Variants in ANO2 observed in about 807,000 individuals in gnomAD.
The protein encoded by ANO2 is anoctamin 2.
In ANO2, 101 loss-of-function variants were observed where a neutral mutation model predicts 124.2. The observed-to-expected ratio is 0.81, with a 90% CI of 0.69 to 0.96. ANO2 has a LOEUF of 0.96. Among genes scored for constraint, ANO2 ranks in the 40% least tolerant of loss-of-function variants. The pLI is 0.00. For missense variants in ANO2, 1,293 were observed against 1,274.5 expected (o/e 1.01, Z -0.22); for synonymous variants, 486 against 482.5 (o/e 1.01, Z -0.09).
intron 10 of ANO2, among the ~76,000 whole-genome samples, chr12:5,757,221 A>G (rs1951608325): frequency 6.6e-6 from 1 of 152,218 alleles, no homozygotes; most frequent in Admixed American, 6.5e-5. Flanking sequence ...CTATTTTGCC[A>G]TCTTGCTGAT....
chr12:5,775,569 C>A (rs1952212153), intron 10 of ANO2, among the ~76,000 whole-genome samples: 2 of 150,326 alleles, frequency 1.3e-5, no homozygotes, highest in Non-Finnish European at 1.5e-5. Flanking sequence ...TCACGTCATT[C>A]TCCTGCCTCA....
intron 14 of ANO2, among the ~76,000 whole-genome samples, chr12:5,666,843 G>T (rs989938347): frequency 1.5e-5 from 2 of 133,962 alleles, no homozygotes; most frequent in African/African-American, 5.7e-5. Context: ...TGTTTGCCTT[G>T]GGGCTTTGGC....
intron 14 of ANO2, among the ~76,000 whole-genome samples, chr12:5,654,825 C>T (rs1346335818): frequency 6.6e-6 from 1 of 152,198 alleles, no homozygotes; most frequent in African/African-American, 2.4e-5. Flanking sequence ...AAACATCACA[C>T]ACATGCTTCT....
At chr12:5,923,112 ATG>A (rs1311756031) in intron 1 of ANO2, among the ~76,000 whole-genome samples, 746 of 33,716 alleles carry the variant, frequency 0.022, 65 homozygotes, top group East Asian at 0.068. Flanking sequence ...ATACACACAC[ATG>A]CACGCACACA....
At chr12:5,732,710 C>A in intron 13 of ANO2, 80 bp from the exon 14 acceptor site, 2 of 1,527,272 alleles carry the variant, frequency 1.3e-6, no homozygotes, top group Non-Finnish European at 1.8e-6. Flanking sequence ...GACACATGTA[C>A]ATTAACGTCA....
intron 3 of ANO2, among the ~76,000 whole-genome samples, chr12:5,898,003 T>TGGTAC (rs1480631909): frequency 6.6e-6 from 1 of 152,058 alleles, no homozygotes; most frequent in Non-Finnish European, 1.5e-5. Context: ...CAACAAAAGA[T>TGGTAC]GTACCAAGTA....
chr12:5,604,991 C>G (rs1454213547), intron 19 of ANO2, among the ~76,000 whole-genome samples: 1 of 152,042 alleles, frequency 6.6e-6, no homozygotes, highest in African/African-American at 2.4e-5. Flanking sequence ...AGAGCATTCC[C>G]TCTGCCTGTG....
At chr12:5,940,201 A>C (rs1942840694) in intron 1 of ANO2, among the ~76,000 whole-genome samples, 1 of 152,200 alleles carries the variant, frequency 6.6e-6, no homozygotes, top group Non-Finnish European at 1.5e-5. Context: ...TTAGAGAAAG[A>C]TGCTTGCCTT....
chr12:5,734,068 A>T (rs539918133), intron 13 of ANO2, among the ~76,000 whole-genome samples: 1 of 152,182 alleles, frequency 6.6e-6, no homozygotes. Flanking sequence ...CCGTTCTCCA[A>T]CACAGCATTT....
At chr12:5,682,256 A>C (rs1466493630) in intron 14 of ANO2, among the ~76,000 whole-genome samples, 1 of 152,208 alleles carries the variant, frequency 6.6e-6, no homozygotes, top group Non-Finnish European at 1.5e-5. Context: ...GAGATAAATG[A>C]GCATTTCTAC....
chr12:5,770,276 CA>C (rs1481941801), intron 10 of ANO2, among the ~76,000 whole-genome samples: 2 of 152,166 alleles, frequency 1.3e-5, no homozygotes, highest in African/African-American at 4.8e-5. Flanking sequence ...CACAGAAAAG[CA>C]AAGTGAATCA....
intron 9 of ANO2, among the ~76,000 whole-genome samples, chr12:5,804,508 C>T (rs1285493798): frequency 6.6e-6 from 1 of 152,218 alleles, no homozygotes; most frequent in African/African-American, 2.4e-5. Flanking sequence ...CACGAAGCAT[C>T]TTTCTGACAT....
chr12:5,817,289 G>C (rs760815705), intron 7 of ANO2, among the ~76,000 whole-genome samples: 15 of 152,232 alleles, frequency 9.9e-5, no homozygotes, highest in Non-Finnish European at 2.2e-4. Flanking sequence ...GAGATGCAGA[G>C]AGGTTATTTG....
chr12:5,811,678 C>T (rs1301358518), intron 7 of ANO2, among the ~76,000 whole-genome samples: 1 of 152,184 alleles, frequency 6.6e-6, no homozygotes, highest in Non-Finnish European at 1.5e-5. Context: ...CTTTCCATGG[C>T]AAAGTGCACT....
Position 5,769,181 on chromosome 12 carries a change from G to T in ANO2, c.1056-18211C>A, listed in dbSNP as rs1951995388. Among the ~76,000 whole-genome samples, 1 of 152,138 alleles carries T rather than the reference G, an allele frequency of 6.6e-6. No homozygotes were observed. The highest frequency in any genetic ancestry group is 6.5e-5 in the Admixed American group (1 of 15,268). On this transcript the variant is annotated intron_variant, in intron 10 of 24. Transcript: ENST00000682330. This position sits in a 1 kb window ranked among gnomAD's most constrained non-coding sequence, Gnocchi z 4.0. The stretch of plus-strand genomic sequence containing the variant: ...CTGTGCTGTGCCACTTTTAAGAAGA[G>T]GTTCCCTCTCTCCAACCAATCCTCT...
chr12:5,872,439 C>T (rs1305910089), intron 3 of ANO2, among the ~76,000 whole-genome samples: 1 of 152,114 alleles, frequency 6.6e-6, no homozygotes, highest in Non-Finnish European at 1.5e-5. Flanking sequence ...GAATATCTGA[C>T]CCCACCCAGC....
At chr12:5,833,026 G>A (rs192817015) in intron 4 of ANO2, among the ~76,000 whole-genome samples, 10 of 152,238 alleles carry the variant, frequency 6.6e-5, no homozygotes, top group Admixed American at 6.5e-4. Context: ...AATTAACAAA[G>A]GCCACATAGA....
chr12:5,933,340 T>A (rs1476573876), intron 1 of ANO2, among the ~76,000 whole-genome samples: 1 of 152,174 alleles, frequency 6.6e-6, no homozygotes, highest in Non-Finnish European at 1.5e-5. Context: ...TCCCCAACCA[T>A]ACAACCACCC....
intron 4 of ANO2, chr12:5,839,452 T>G: frequency 2.5e-6 from 1 of 397,080 alleles, no homozygotes; most frequent in South Asian, 1.9e-5. Context: ...TGCCTTAGAC[T>G]GAGCGCTACT....
Sources: gnomAD v4.1 joint callset for allele counts (sites outside exome capture counted in the v4.1 genomes callset) on GRCh38, gnomAD v4.1.1 for gene constraint, Gnocchi (gnomAD v3.1) non-coding constraint, MANE v1.5 for transcripts, NCBI Gene and HGNC (gene_info 2026-07-23, HGNC 2026-07-21) for gene names.